Variants in SYT9 observed in about 807,000 individuals in gnomAD.
SYT9 encodes synaptotagmin 9, also known as synaptotagmin-9.
In SYT9, 22 loss-of-function variants were observed where a neutral mutation model predicts 48.4. The ratio of observed to expected loss-of-function variants is 0.45; its 90% CI spans 0.32 to 0.65. SYT9 has a LOEUF of 0.65. Among genes scored for constraint, SYT9 ranks in the 30% least tolerant of loss-of-function variants. SYT9 has a pLI of 0.03. For missense variants in SYT9, 577 were observed against 622.0 expected, an observed-to-expected ratio of 0.93 and a Z score of 0.77; for synonymous variants, 265 against 245.0, an observed-to-expected ratio of 1.08 and a Z score of -0.76.
upstream of SYT9, among the ~76,000 whole-genome samples, chr11:7,248,677 C>G (rs1847823543): frequency 6.6e-6 from 1 of 151,990 alleles, no homozygotes; most frequent in Non-Finnish European, 1.5e-5. Flanking sequence ...TGAAAGAGAT[C>G]AGAGATGACA....
At chr11:7,452,101 TAG>T (rs1371879461) in intron 6 of SYT9, among the ~76,000 whole-genome samples, 1 of 112,274 alleles carries the variant, frequency 8.9e-6, no homozygotes, top group African/African-American at 3.7e-5. Flanking sequence ...ACAGCATTAA[TAG>T]AGGTTTATAT....
intron 2 of SYT9, among the ~76,000 whole-genome samples, chr11:7,306,894 T>G (rs903277547): frequency 2.6e-5 from 4 of 152,238 alleles, no homozygotes; most frequent in African/African-American, 7.2e-5. Flanking sequence ...TGTTTCTTCC[T>G]GTCTATCCAG....
intron 3 of SYT9, among the ~76,000 whole-genome samples, chr11:7,333,364 TC>T (rs1262600201): frequency 6.6e-6 from 1 of 152,202 alleles, no homozygotes; most frequent in Admixed American, 6.5e-5. Flanking sequence ...CAAGGGTCAG[TC>T]TGCCTTCAGC....
Position 7,252,290 on chromosome 11 carries a change from A to G in SYT9, c.104A>G (p.Tyr35Cys). Residue 35 changes from tyrosine to cysteine, a missense_variant, in exon 1 of 7, where the codon TAC becomes TGC. Transcript: ENST00000318881. The surrounding 1 kb of genome is among the most constrained non-coding windows in gnomAD (Gnocchi z 6.3). The part of the protein sequence containing the change: ...LEHDSCQDFI[Y>C]HLRDRARPRL... Reference sequence around the variant, plus strand: ...CACGACAGCTGCCAGGATTTCATTTACCACCTGCGGGACCGTGCCAGACCC... The same window carrying G: ...CACGACAGCTGCCAGGATTTCATTTGCCACCTGCGGGACCGTGCCAGACCC... The G allele has an allele frequency of 3.3e-6, 5 of 1,513,272 alleles. No individual in the cohort carries two copies. The highest frequency in any genetic ancestry group is 3.5e-6 in the Non-Finnish European group (4 of 1,130,458). 93.7% of individuals were successfully genotyped at this position (1,513,272 alleles called of 1,614,324 possible).
At position 7,468,173 on chromosome 11, in the gene SYT9, G is replaced by A. The variant is rs1347684692; in HGVS notation, c.*1373G>A. ...TCTCTTTACAGCAGAATCCAGAGTT[G>A]GATTGTAGTTTACCTTCCTGGAAAG... On this transcript the variant is annotated 3_prime_UTR_variant, in exon 7 of 7. Transcript: ENST00000318881. 2 of 398,136 alleles carry A rather than the reference G, an allele frequency of 5.0e-6. No homozygotes were observed. Among genetic ancestry groups the A allele is most frequent in the Non-Finnish European group, 8.9e-6 (2 of 225,860 alleles). The allele number at this position is 398,136 out of a possible 1,614,324, so 24.7% of individuals were successfully genotyped here. A position where few individuals can be genotyped will look rare whatever the true frequency, so the allele number is the denominator to read the frequency against.
intron 2 of SYT9, among the ~76,000 whole-genome samples, chr11:7,312,361 C>G (rs917052873): frequency 1.3e-5 from 2 of 152,290 alleles, no homozygotes; most frequent in South Asian, 4.1e-4. Flanking sequence ...TAAGAGACAT[C>G]CCAGCTGTTC....
chr11:7,274,315 ATC>A lies in SYT9; in HGVS notation c.145+21986_145+21987del, dbSNP rs1307419079. 2.1e-3 allele frequency among the ~76,000 whole-genome samples: 268 copies of A among 127,666 alleles called. 1 individual carries two copies. The highest frequency in any genetic ancestry group is 7.7e-3 in the African/African-American group (257 of 33,254). 83.8% of individuals were successfully genotyped at this position (127,666 alleles called of 152,430 possible). A position where few individuals can be genotyped will look rare whatever the true frequency, so the allele number is the denominator to read the frequency against. On this transcript the variant is annotated intron_variant, in intron 1 of 6. Transcript: ENST00000318881. Reference sequence around the variant, plus strand: ...CTTTCCTTATATCTGTGTGAAGTTCATCTTTTTTTTTTTTTTTTTTTTGACAG... The same window carrying A: ...CTTTCCTTATATCTGTGTGAAGTTCATTTTTTTTTTTTTTTTTTTTGACAG...
chr11:7,367,410 C>T lies in SYT9; in HGVS notation c.1045-48632C>T, dbSNP rs549555682. 3.9e-5 allele frequency among the ~76,000 whole-genome samples: 6 copies of T among 152,110 alleles called. No homozygotes were observed. The South Asian group carries it at 1.2e-3, about 32-fold the overall frequency. On this transcript the variant is annotated intron_variant, in intron 3 of 6. Coordinates refer to ENST00000318881, the MANE Select transcript of SYT9 (RefSeq NM_175733.4). Reference sequence around the variant, plus strand: ...AGGAGACCATCTTTATAGCTGCTTTCATTTTTGCTTTAGTTGTTATAGTTA... The same window carrying T: ...AGGAGACCATCTTTATAGCTGCTTTTATTTTTGCTTTAGTTGTTATAGTTA...
At chr11:7,302,088 G>A (rs1848931704) in intron 1 of SYT9, among the ~76,000 whole-genome samples, 1 of 152,214 alleles carries the variant, frequency 6.6e-6, no homozygotes, top group African/African-American at 2.4e-5. Context: ...ATTGATTTCA[G>A]TGTGGGATTT....
At chr11:7,315,149 T>C (rs954147520) in intron 3 of SYT9, among the ~76,000 whole-genome samples, 8 of 151,794 alleles carry the variant, frequency 5.3e-5, no homozygotes, top group Admixed American at 2.6e-4. Flanking sequence ...AAGAAAGGAG[T>C]TGGAGCTGGA....
chr11:7,407,953 G>A (rs1263940655), intron 3 of SYT9, among the ~76,000 whole-genome samples: 1 of 152,190 alleles, frequency 6.6e-6, no homozygotes, highest in Non-Finnish European at 1.5e-5. Flanking sequence ...TTTGAAGTCA[G>A]GTAGTGTGAT....
rs1216781158 is a variant in SYT9, at chr11:7,359,486, A to G, written c.1044+45545A>G. On this transcript the variant is annotated intron_variant, in intron 3 of 6. Coordinates refer to ENST00000318881, the MANE Select transcript of SYT9 (RefSeq NM_175733.4). ...CCACCAACAGTGTAAAAGTGTTCCTATTTCTCCACATCCTCTCCAGCACCT... is the reference window on the plus strand; with the variant it reads ...CCACCAACAGTGTAAAAGTGTTCCTGTTTCTCCACATCCTCTCCAGCACCT... Among the ~76,000 whole-genome samples the G allele has an allele frequency of 7.8e-5, 5 of 64,206 alleles. 1 individual carries two copies. The highest frequency in any genetic ancestry group is 1.6e-4 in the Non-Finnish European group (5 of 31,260). The allele number at this position is 64,206 out of a possible 152,430, so 42.1% of individuals were successfully genotyped here. A position where few individuals can be genotyped will look rare whatever the true frequency, so the allele number is the denominator to read the frequency against.
intron 1 of SYT9, among the ~76,000 whole-genome samples, chr11:7,261,265 G>A (rs1848073620): frequency 6.6e-6 from 1 of 152,122 alleles, no homozygotes; most frequent in Non-Finnish European, 1.5e-5. Context: ...CTGTAGCACT[G>A]CAGAACCATT....
chr11:7,300,963 C>T (rs1401724309), intron 1 of SYT9, among the ~76,000 whole-genome samples: 1 of 152,178 alleles, frequency 6.6e-6, no homozygotes, highest in Non-Finnish European at 1.5e-5. Context: ...ATCCCCCATC[C>T]CTGCCTGTTG....
At chr11:7,246,498 T>A (rs980101294) in intron 1 of SYT9, among the ~76,000 whole-genome samples, 1 of 152,212 alleles carries the variant, frequency 6.6e-6, no homozygotes, top group Non-Finnish European at 1.5e-5. Context: ...CTAACTCTAC[T>A]TCTTCAATTT....
At chr11:7,265,668 C>CTTTT (rs386353084) in intron 1 of SYT9, among the ~76,000 whole-genome samples, 27 of 145,030 alleles carry the variant, frequency 1.9e-4, no homozygotes, top group Admixed American at 1.0e-3. Flanking sequence ...ATCATGGATT[C>CTTTT]TTTTTTTTTT....
chr11:7,314,428 A>C (rs1308801922), intron 3 of SYT9: 1 of 221,868 alleles, frequency 4.5e-6, no homozygotes, highest in East Asian at 1.1e-4. Flanking sequence ...AGTGGTTGAG[A>C]AGAGTTGGCA....
chr11:7,353,691 CTCTGTTATAGTA>C (rs56400696), intron 3 of SYT9, among the ~76,000 whole-genome samples: 49,134 of 151,910 alleles, frequency 0.32, 9,094 homozygotes, highest in East Asian at 0.8. Context: ...TAGTTCGATC[CTCTGTTATAGTA>C]TTTATTTATA....
intron 1 of SYT9, among the ~76,000 whole-genome samples, chr11:7,270,308 G>A (rs1848270461): frequency 6.6e-6 from 1 of 152,096 alleles, no homozygotes. Context: ...TCTGTTAAAT[G>A]CAGCTCATAA....
Sources: gnomAD v4.1 joint callset for allele counts (sites outside exome capture counted in the v4.1 genomes callset) on GRCh38, gnomAD v4.1.1 for gene constraint, Gnocchi (gnomAD v3.1) non-coding constraint, MANE v1.5 for transcripts, NCBI Gene and HGNC (gene_info 2026-07-23, HGNC 2026-07-21) for gene names.